The following OTOF variants were observed in gnomAD, a reference collection of about 807,000 sequenced individuals.
The protein encoded by OTOF is fer-1-like family member 2.
OTOF carries 218 observed loss-of-function variants against 236.8 expected under a neutral mutation model. That is an observed-to-expected ratio of 0.92 (90% CI 0.82 to 1.03). The LOEUF is 1.03. Ranked by LOEUF, OTOF falls within the 50% of genes least tolerant of loss-of-function variation. The pLI is 0.00. For synonymous variants in OTOF, 1,041 were observed against 1,072.5 expected (o/e 0.97, Z 0.57); for missense variants, 2,590 against 2,694.4 (o/e 0.96, Z 0.86).
intron 4 of OTOF, 115 bp downstream of exon 4, chr2:26,518,895 C>A: frequency 1.3e-6 from 1 of 775,660 alleles, no homozygotes. Flanking sequence ...CCTCCTGCGA[C>A]ACCTCGCCAT....
At chr2:26,506,848 G>A (rs1572460144) in intron 5 of OTOF, among the ~76,000 whole-genome samples, 1 of 152,104 alleles carries the variant, frequency 6.6e-6, no homozygotes, top group Non-Finnish European at 1.5e-5. Flanking sequence ...AAAATTAGCT[G>A]GGTGTGGTGG....
chr2:26,474,017 G>A lies in OTOF; in HGVS notation c.3382C>T (p.Pro1128Ser), dbSNP rs369851260. The change falls in exon 27 of 47, where the codon CCC (proline) becomes TCC (serine). Residue 1128 changes from proline to serine, a missense_variant. Pro to Ser is a moderately conservative substitution (Grantham distance 74). Transcript: ENST00000272371. Reference protein sequence around the residue: ...PIMPVPMGIRPVLSKYRVEVL... With the variant: ...PIMPVPMGIRSVLSKYRVEVL... Reference sequence around the variant, plus strand: ...TCCACTCGGTACTTGCTGAGCACGGGCCGGATGCCCATGGGCACGGGCATG... The same window carrying A: ...TCCACTCGGTACTTGCTGAGCACGGACCGGATGCCCATGGGCACGGGCATG... The A allele has an allele frequency of 1.2e-6, 2 of 1,613,020 alleles. No individual in the cohort carries two copies. The highest frequency in any genetic ancestry group is 1.1e-5 in the South Asian group (1 of 91,088).
chr2:26,507,138 T>C lies in OTOF; in HGVS notation c.510-3293A>G, dbSNP rs568575669. 2.0e-5 allele frequency among the ~76,000 whole-genome samples: 3 copies of C among 152,376 alleles called. No individual in the cohort carries two copies. In the South Asian group the frequency reaches 6.2e-4, roughly 32 times the overall value. On this transcript the variant is annotated intron_variant, in intron 5 of 46. Coordinates refer to ENST00000272371, the MANE Select transcript of OTOF (RefSeq NM_194248.3). The stretch of plus-strand genomic sequence containing the variant: ...GGTAGCACTCCTGTGTGCCTGGGAA[T>C]ATCTCAAAAGGATATTGTCTTTGTC...
chr2:26,473,554 C>T lies in OTOF; in HGVS notation c.3422G>A (p.Gly1141Asp). The change falls in exon 28 of 47, where the codon GGC (glycine) becomes GAC (aspartate). Residue 1141 changes from glycine to aspartate, a missense_variant. Gly to Asp is a moderately conservative substitution (Grantham distance 94). Coordinates refer to ENST00000272371, the MANE Select transcript of OTOF (RefSeq NM_194248.3). This position sits in a 1 kb window ranked among gnomAD's most constrained non-coding sequence, Gnocchi z 7.2. ...GTTCACCCGCTTTAGGTCCCGTAGG[C>T]CCCAGAACAGCACCTGGGAGAGGTT... Reference protein sequence around the residue: ...SKYRVEVLFWGLRDLKRVNLA... With the variant: ...SKYRVEVLFWDLRDLKRVNLA... 6.2e-7 allele frequency: 1 copy of T among 1,607,444 alleles called. No individual in the cohort carries two copies. Among genetic ancestry groups the T allele is most frequent in the East Asian group, 2.2e-5 (1 of 44,844 alleles).
At chr2:26,484,713 G>A (rs1288699656) in intron 11 of OTOF, 80 bp from the exon 12 acceptor site, 2 of 1,469,530 alleles carry the variant, frequency 1.4e-6, no homozygotes, top group East Asian at 2.3e-5. Flanking sequence ...GCCAAGGGGT[G>A]GCAGAACCAA....
At chr2:26,490,596 C>T (rs766460891) in intron 9 of OTOF, among the ~76,000 whole-genome samples, 14 of 152,108 alleles carry the variant, frequency 9.2e-5, no homozygotes, top group Non-Finnish European at 1.9e-4. Flanking sequence ...GGTAAATGTC[C>T]GAAGAGAACG....
In OTOF at chr2:26,460,134, T is replaced by C. The variant is rs377364737; in HGVS notation, c.5885A>G (p.Tyr1962Cys). The C allele has an allele frequency of 7.5e-6, 12 of 1,600,026 alleles. No individual in the cohort carries two copies. Among genetic ancestry groups the C allele is most frequent in the African/African-American group, 4.0e-5 (3 of 74,728 alleles). Residue 1962 changes from tyrosine (Y) to cysteine (C), a missense_variant, in exon 46 of 47, where the codon TAT becomes TGT. Coordinates refer to ENST00000272371, the MANE Select transcript of OTOF (RefSeq NM_194248.3). The surrounding 1 kb of genome is among the most constrained non-coding windows in gnomAD (Gnocchi z 5.3). ...CAACAGTTTGAGGAGCAGCCAGCGA[T>C]ACGTGTGCCACAAGAAGTAGCGAGC... ...KSARYFLWHT[Y>C]RWLLLKLLLL...
At position 26,472,561 on chromosome 2, in the gene OTOF, C is replaced by T. The variant is rs1665040680; in HGVS notation, c.3822G>A (p.Glu1274=). Residue 1274 remains glutamate (E), a synonymous_variant, in exon 30 of 47, where the codon GAG becomes GAA. Coordinates refer to ENST00000272371, the MANE Select transcript of OTOF (RefSeq NM_194248.3). ...TGGTCTCCAGTTTCTTGATGGGTACCTCTGGCTCCATAGTCACCACAACCT... is the reference window on the plus strand; with the variant it reads ...TGGTCTCCAGTTTCTTGATGGGTACTTCTGGCTCCATAGTCACCACAACCT... ...TGEVVVTMEP[E]VPIKKLETMV... The T allele has an allele frequency of 6.2e-7, 1 of 1,613,546 alleles. No homozygotes were observed. The highest frequency in any genetic ancestry group is 1.3e-5 in the African/African-American group (1 of 75,068).
chr2:26,473,132 C>T lies in OTOF; in HGVS notation c.3733G>A (p.Val1245Ile). The T allele has an allele frequency of 1.2e-6, 2 of 1,611,644 alleles. No individual in the cohort carries two copies. Among genetic ancestry groups the T allele is most frequent in the Non-Finnish European group, 1.7e-6 (2 of 1,179,646 alleles). ...DRSAPSWNTT[V>I]RLLRRCRVLC... The stretch of plus-strand genomic sequence containing the variant: ...GGTGGCAGGGTGGATGTGGCCATAC[C>T]CGTGGTGTTCCAGCTGGGGGCCGAG... Residue 1245 changes from valine to isoleucine, a missense_variant and splice_region_variant, in exon 29 of 47, where the codon GTC (valine) becomes ATC (isoleucine). This residue lies in a region of OTOF where 1,211 missense variants were observed against 1,352.8 expected (regional missense o/e 0.90). Coordinates refer to ENST00000272371, the MANE Select transcript of OTOF (RefSeq NM_194248.3). The surrounding 1 kb of genome is among the most constrained non-coding windows in gnomAD (Gnocchi z 7.2).
rs527698996 is a variant in OTOF, at chr2:26,473,657, C to T, written c.3409-90G>A. The stretch of plus-strand genomic sequence containing the variant: ...GGTGCTGGACCATCCAATAGGGAAC[C>T]GGGCAGTGGGATGGGCAGTAGTTCA... On this transcript the variant is annotated intron_variant, in intron 27 of 46. Transcript: ENST00000272371. The surrounding 1 kb of genome is among the most constrained non-coding windows in gnomAD (Gnocchi z 7.2). 4.0e-4 allele frequency: 541 copies of T among 1,348,586 alleles called. 2 individuals carry two copies. The highest frequency in any genetic ancestry group is 3.3e-3 in the African/African-American group (231 of 69,226). The allele number at this position is 1,348,586 out of a possible 1,614,324, so 83.5% of individuals were successfully genotyped here.
At chr2:26,459,477 G>A (rs556776446) in intron 46 of OTOF, among the ~76,000 whole-genome samples, 6 of 151,480 alleles carry the variant, frequency 4.0e-5, no homozygotes, top group Admixed American at 6.6e-5. Context: ...GCGTGAACCC[G>A]GGAGGCGGAG....
At chr2:26,463,179 G>T (rs759108560) in intron 41 of OTOF, among the ~76,000 whole-genome samples, 7 of 152,176 alleles carry the variant, frequency 4.6e-5, no homozygotes, top group Non-Finnish European at 8.8e-5. Context: ...ATGTGTATGG[G>T]CGCGTAGACC....
Position 26,477,722 on chromosome 2 carries a change from T to C in OTOF, c.2242A>G (p.Met748Val). Residue 748 changes from methionine to valine, a missense_variant, in exon 19 of 47, where the codon ATG becomes GTG. Around this residue, in one of 2 missense-constraint regions of OTOF, gnomAD observed 1,379 missense variants for 1,341.6 expected, o/e 1.03. Transcript: ENST00000272371. The surrounding 1 kb of genome is among the most constrained non-coding windows in gnomAD (Gnocchi z 4.7). ...GGGTAGGACTTCTCCGTTTTGATCA[T>C]CTCCTGTATGTCGTTCAGGCCTTCT... ...LEEGLNDIQE[M>V]IKTEKSYPER... The C allele has an allele frequency of 6.2e-7, 1 of 1,612,700 alleles. No homozygotes were observed. Among genetic ancestry groups the C allele is most frequent in the South Asian group, 1.1e-5 (1 of 91,082 alleles).
intron 9 of OTOF, among the ~76,000 whole-genome samples, chr2:26,493,963 G>T (rs1360151695): frequency 1.3e-5 from 2 of 152,194 alleles, no homozygotes; most frequent in African/African-American, 4.8e-5. Context: ...TGTTCTTCAT[G>T]CCTCTAAGTC....
intron 3 of OTOF, among the ~76,000 whole-genome samples, chr2:26,520,467 A>G (rs11901798): frequency 0.96 from 145,692 of 152,276 alleles, 69,711 homozygotes; most frequent in Admixed American, 0.98. Context: ...AGGGGCAGCC[A>G]TGAGGAATGG....
Position 26,462,285 on chromosome 2 carries a change from G to A in OTOF, c.5193-104C>T. 2 of 987,754 alleles carry A rather than the reference G, an allele frequency of 2.0e-6. No homozygotes were observed. Among genetic ancestry groups the A allele is most frequent in the South Asian group, 2.5e-5 (2 of 78,682 alleles). 61.2% of individuals were successfully genotyped at this position (987,754 alleles called of 1,614,324 possible). A position where few individuals can be genotyped will look rare whatever the true frequency, so the allele number is the denominator to read the frequency against. On this transcript the variant is annotated intron_variant, in intron 41 of 46. Transcript: ENST00000272371. This position sits in a 1 kb window ranked among gnomAD's most constrained non-coding sequence, Gnocchi z 4.7. ...CGGAGAGAAGCCCTGGGGTCTTGGGGTCAGCACAGGGCCTGGGCCAGGCTG... is the reference window on the plus strand; with the variant it reads ...CGGAGAGAAGCCCTGGGGTCTTGGGATCAGCACAGGGCCTGGGCCAGGCTG...
At chr2:26,485,261 C>G (rs906185263) in intron 11 of OTOF, among the ~76,000 whole-genome samples, 6 of 152,254 alleles carry the variant, frequency 3.9e-5, no homozygotes, top group Non-Finnish European at 7.3e-5. Flanking sequence ...CTGTCTTTCT[C>G]CCTATTCAAT....
rs766929320 is a variant in OTOF at position 26,478,108 on chromosome 2, C to G, written c.2215-359G>C. 3 of 1,258,128 alleles carry G rather than the reference C, an allele frequency of 2.4e-6. No individual in the cohort carries two copies. In the East Asian group the frequency reaches 8.5e-5, roughly 36 times the overall value. 77.9% of individuals were successfully genotyped at this position (1,258,128 alleles called of 1,614,324 possible). On this transcript the variant is annotated intron_variant, in intron 18 of 46. Transcript: ENST00000272371. Reference sequence around the variant, plus strand: ...AGGACTGGATGTGCCAAGATCCTGACGTCACTCCAGAATGCTGGAGCCTGT... The same window carrying G: ...AGGACTGGATGTGCCAAGATCCTGAGGTCACTCCAGAATGCTGGAGCCTGT...
rs1415141337 is a variant in OTOF, at chr2:26,477,544, C to T, written c.2316-38G>A. 6.3e-7 allele frequency: 1 copy of T among 1,595,168 alleles called. No individual in the cohort carries two copies. Among genetic ancestry groups the T allele is most frequent in the South Asian group, 1.1e-5 (1 of 89,392 alleles). The stretch of plus-strand genomic sequence containing the variant: ...CGAGCCGGGGTTTAGCGAGCCTGAC[C>T]AGCAGGGGCTCTGTAGATTCTTCCT... On this transcript the variant is annotated intron_variant, in intron 19 of 46. Transcript: ENST00000272371. This position sits in a 1 kb window ranked among gnomAD's most constrained non-coding sequence, Gnocchi z 4.7.
Sources: allele counts gnomAD v4.1 joint callset (sites outside exome capture counted in the v4.1 genomes callset), GRCh38; gene constraint gnomAD v4.1.1; regional missense constraint gnomAD v4.1.1; non-coding constraint Gnocchi (gnomAD v3.1); transcripts MANE v1.5; gene names NCBI Gene and HGNC (gene_info 2026-07-23, HGNC 2026-07-21).